Variants in GALK2 observed in about 807,000 individuals in gnomAD.
GALK2 encodes the protein N-acetylgalactosamine kinase.
In GALK2, 36 loss-of-function variants were observed where a neutral mutation model predicts 52.4. That is an observed-to-expected ratio of 0.69 (90% confidence interval 0.53 to 0.91). The LOEUF (loss-of-function observed/expected upper bound fraction) is 0.91, where lower values mean the gene tolerates loss of function less well. Among genes scored for constraint, GALK2 ranks in the 40% least tolerant of loss-of-function variants. The pLI is 0.00. For missense variants in GALK2, 579 were observed against 559.1 expected, an observed-to-expected ratio of 1.04 and a Z score of -0.36; for synonymous variants, 176 against 199.1, an observed-to-expected ratio of 0.88 and a Z score of 0.98.
At chr15:49,260,632 G>T (rs1364677613) in intron 5 of GALK2, among the ~76,000 whole-genome samples, 1 of 148,042 alleles carries the variant, frequency 6.8e-6, no homozygotes, top group East Asian at 2.0e-4. Context: ...TAGACATGAA[G>T]TCCTTGCCCA....
In GALK2 at chr15:49,329,806, T is replaced by TAAAA. The variant is rs558009170; in HGVS notation, c.*1661_*1664dup. On this transcript the variant is annotated 3_prime_UTR_variant, in exon 10 of 10. Transcript: ENST00000560031. The stretch of plus-strand genomic sequence containing the variant: ...TTCTTTAAAGATACCTGGATCAGTG[T>TAAAA]AAAAAAAAAAAAAAAAAGGCACCTG... 24 of 729,654 alleles carry TAAAA rather than the reference T, an allele frequency of 3.3e-5. No homozygotes were observed. The Admixed American group carries it at 5.1e-4, about 16-fold the overall frequency. 45.2% of individuals were successfully genotyped at this position (729,654 alleles called of 1,614,324 possible).
At chr15:49,237,394 C>A (rs1270088625) in intron 4 of GALK2, among the ~76,000 whole-genome samples, 1 of 151,978 alleles carries the variant, frequency 6.6e-6, no homozygotes, top group Non-Finnish European at 1.5e-5. Context: ...TGGCATATAC[C>A]CATTTGCATT....
At chr15:49,250,690 C>A (rs1487770436) in intron 5 of GALK2, among the ~76,000 whole-genome samples, 1 of 152,108 alleles carries the variant, frequency 6.6e-6, no homozygotes, top group Non-Finnish European at 1.5e-5. Context: ...TCATAGACAT[C>A]GGAAAACCCT....
intron 8 of GALK2, among the ~76,000 whole-genome samples, chr15:49,309,524 ATCAAG>A (rs1211489363): frequency 3.3e-5 from 5 of 152,148 alleles, no homozygotes; most frequent in African/African-American, 1.2e-4. Context: ...ATGTGTAATG[ATCAAG>A]TCAAGATAAT....
intron 3 of GALK2, 89 bp downstream of exon 3, chr15:49,217,402 G>C: frequency 8.1e-7 from 1 of 1,230,970 alleles, no homozygotes; most frequent in East Asian, 2.5e-5. Context: ...TTTGTAACAG[G>C]TCATTTAACT....
intron 1 of GALK2, among the ~76,000 whole-genome samples, chr15:49,174,202 C>T (rs552115495): frequency 1.3e-5 from 2 of 152,258 alleles, no homozygotes; most frequent in East Asian, 3.9e-4. Flanking sequence ...TATATATTCT[C>T]TGAGCATTCT....
At chr15:49,367,352 G>A in intron 3 of GALK2, 1 of 1,053,906 alleles carries the variant, frequency 9.5e-7, no homozygotes, top group Non-Finnish European at 1.3e-6. Flanking sequence ...GATAAAACAT[G>A]CATTCAATTT....
At chr15:49,276,970 C>CTTTTTTTTTTTTTTTTTTTT (rs1233754984) in intron 5 of GALK2, among the ~76,000 whole-genome samples, 1 of 28,320 alleles carries the variant, frequency 3.5e-5, no homozygotes, top group Admixed American at 5.3e-4. Flanking sequence ...TTTTTCTTTT[C>CTTTTTTTTTTTTTTTTTTTT]TTTTTTTTTT....
chr15:49,161,279 G>C (rs2084642655), intron 1 of GALK2, among the ~76,000 whole-genome samples: 1 of 152,170 alleles, frequency 6.6e-6, no homozygotes, highest in South Asian at 2.1e-4. Context: ...GTCTAGTCTG[G>C]AAATTTACTA....
chr15:49,329,639 G>A lies in GALK2; in HGVS notation c.*1480G>A. On this transcript the variant is annotated 3_prime_UTR_variant, in exon 10 of 10. Coordinates refer to ENST00000560031, the MANE Select transcript of GALK2 (RefSeq NM_002044.4). ...ATTCTTAGCAGAAAGGTAAATGCTT[G>A]AGAAAGCTTGAGTCAAATTTGTTAA... The A allele has an allele frequency of 3.0e-6, 3 of 984,436 alleles. No homozygotes were observed. Among genetic ancestry groups the A allele is most frequent in the Non-Finnish European group, 3.6e-6 (3 of 829,044 alleles). The allele number at this position is 984,436 out of a possible 1,614,324, so 61.0% of individuals were successfully genotyped here. A position where few individuals can be genotyped will look rare whatever the true frequency, so the allele number is the denominator to read the frequency against.
intron 5 of GALK2, among the ~76,000 whole-genome samples, chr15:49,254,716 G>C (rs2091742295): frequency 6.9e-6 from 1 of 143,904 alleles, no homozygotes. Context: ...ATAGTTCACA[G>C]AAACCTATGT....
chr15:49,333,144 T>TA (rs201261909), downstream of GALK2, among the ~76,000 whole-genome samples: 973 of 152,034 alleles, frequency 6.4e-3, 13 homozygotes, highest in African/African-American at 0.022. Flanking sequence ...CTCCCCTCTT[T>TA]AAAAAAAATT....
Position 49,328,303 on chromosome 15 carries a change from G to A in GALK2, c.*144G>A. ...ATCAAGATATATTTTCAAAGAAATG[G>A]TTGAAAGCTCTCTATGCTTCATAAT... is the stretch of plus-strand genomic sequence containing the variant. On this transcript the variant is annotated 3_prime_UTR_variant, in exon 10 of 10. Transcript: ENST00000560031. 1 of 1,436,338 alleles carries A rather than the reference G, an allele frequency of 7.0e-7. No individual in the cohort carries two copies. Among genetic ancestry groups the A allele is most frequent in the Non-Finnish European group, 9.1e-7 (1 of 1,098,498 alleles). 89.0% of individuals were successfully genotyped at this position (1,436,338 alleles called of 1,614,324 possible).
chr15:49,160,065 G>A (rs2141147403), intron 1 of GALK2, among the ~76,000 whole-genome samples: 1 of 152,102 alleles, frequency 6.6e-6, no homozygotes, highest in East Asian at 1.9e-4. Context: ...CCTGAGGTTA[G>A]GAGTTTGAGA....
intron 3 of GALK2, among the ~76,000 whole-genome samples, chr15:49,363,166 A>G (rs913208858): frequency 2.0e-5 from 3 of 152,156 alleles, no homozygotes; most frequent in Admixed American, 6.5e-5. Flanking sequence ...GAAGAATGTC[A>G]TTGGTAGTTT....
chr15:49,267,319 G>A (rs1215423698), intron 5 of GALK2, among the ~76,000 whole-genome samples: 1 of 152,184 alleles, frequency 6.6e-6, no homozygotes, highest in African/African-American at 2.4e-5. Flanking sequence ...TCATTACCTG[G>A]AGGATGTTGG....
chr15:49,299,776 T>C (rs866528107), intron 8 of GALK2, among the ~76,000 whole-genome samples: 14 of 130,766 alleles, frequency 1.1e-4, no homozygotes, highest in African/African-American at 1.1e-4. Context: ...TCTTTCTTTC[T>C]TTCTTTCTTT....
At position 49,156,821 on chromosome 15, in the gene GALK2, G is replaced by T. The variant is rs947847328; in HGVS notation, c.20+805G>T. 9.7e-6 allele frequency: 7 copies of T among 719,074 alleles called. No individual in the cohort carries two copies. The Admixed American group carries it at 1.4e-4, about 15-fold the overall frequency. 44.5% of individuals were successfully genotyped at this position (719,074 alleles called of 1,614,324 possible). A position where few individuals can be genotyped will look rare whatever the true frequency, so the allele number is the denominator to read the frequency against. On this transcript the variant is annotated intron_variant, in intron 1 of 9. Coordinates refer to the GALK2 transcript ENST00000327171. ...TTTTGAAGTCAAAATCTTCCCTCCT[G>T]AAGACAAGAAAGCAATACAATCAAA...
intron 8 of GALK2, among the ~76,000 whole-genome samples, chr15:49,305,434 G>GACT (rs1429289863): frequency 6.6e-6 from 1 of 152,116 alleles, no homozygotes; most frequent in Non-Finnish European, 1.5e-5. Context: ...TTTGTCTTTA[G>GACT]AAAGGATTAG....
Sources: allele counts gnomAD v4.1 joint callset (sites outside exome capture counted in the v4.1 genomes callset), GRCh38; gene constraint gnomAD v4.1.1; transcripts MANE v1.5; gene names NCBI Gene and HGNC (gene_info 2026-07-23, HGNC 2026-07-21).